TP53I13: variants seen among roughly 807,000 people sequenced by gnomAD.
TP53I13 encodes the protein tumor protein p53-inducible protein 13.
In TP53I13, 27 loss-of-function variants were observed where a neutral mutation model predicts 39.1. The observed-to-expected ratio is 0.69, with a 90% CI of 0.51 to 0.95. The LOEUF is 0.95. TP53I13 is among the 40% of genes least tolerant of loss of function. The pLI is 0.00. For synonymous variants in TP53I13, 230 were observed against 224.6 expected (o/e 1.02, Z -0.22); for missense variants, 544 against 520.4 (o/e 1.05, Z -0.44).
At chr17:29,575,926 G>T, downstream of TP53I13, 1 of 1,581,728 alleles carries the variant, frequency 6.3e-7, no homozygotes, top group Non-Finnish European at 8.6e-7. This position sits in a 1 kb window ranked among gnomAD's most constrained non-coding sequence, Gnocchi z 5.5. Context: ...GCTGGATGGA[G>T]TCAGTGTGCC....
Position 29,572,804 on chromosome 17 carries a change from G to T in TP53I13, c.1070-8G>T, listed in dbSNP as rs1392317656. The T allele has an allele frequency of 1.3e-6, 2 of 1,532,480 alleles. No individual in the cohort carries two copies. The highest frequency in any genetic ancestry group is 1.2e-5 in the South Asian group (1 of 83,222). 94.9% of individuals were successfully genotyped at this position (1,532,480 alleles called of 1,614,324 possible). ...CCCGCCCTTGACTGCTCGGCGCCCG[G>T]CCCACAGCTGTGCTGAAGCGGAGGC... On this transcript the variant is annotated splice_polypyrimidine_tract_variant and splice_region_variant and intron_variant, in intron 6 of 6. Transcript: ENST00000301057.
chr17:29,567,041 G>A, upstream of TP53I13: 1 of 1,185,928 alleles, frequency 8.4e-7, no homozygotes, highest in Non-Finnish European at 1.0e-6. The surrounding 1 kb of genome is among the most constrained non-coding windows in gnomAD (Gnocchi z 6.6). Flanking sequence ...TTTGCCCGCG[G>A]CTCCGCCCGC....
chr17:29,572,503 G>A lies in TP53I13; in HGVS notation c.875G>A (p.Arg292His). 2.5e-6 allele frequency: 4 copies of A among 1,604,914 alleles called. No homozygotes were observed. Among genetic ancestry groups the A allele is most frequent in the Non-Finnish European group, 3.4e-6 (4 of 1,175,868 alleles). ...TCAAGTCAGGCTTCCCCGGCCCCTC[G>A]CGCAGCAGCGCCTCCACGGGCAGCC... ...VCSSQASPAPRAAAPPRAARG... is the reference protein window; with the variant it reads ...VCSSQASPAPHAAAPPRAARG... The change falls in exon 6 of 7, where the codon CGC becomes CAC. Residue 292 changes from arginine (R) to histidine (H), a missense_variant. Coordinates refer to ENST00000301057, the MANE Select transcript of TP53I13 (RefSeq NM_138349.4).
At chr17:29,576,962 G>T (rs1474800604), downstream of TP53I13, 1 of 1,601,910 alleles carries the variant, frequency 6.2e-7, no homozygotes, top group Admixed American at 1.7e-5. Flanking sequence ...GGTCGTCGAG[G>T]TCACTCTGGC....
At chr17:29,576,786 A>C (rs1567770018), downstream of TP53I13, 1 of 1,573,626 alleles carries the variant, frequency 6.4e-7, no homozygotes, top group Non-Finnish European at 8.6e-7. Context: ...CCCCTGGGCT[A>C]CAAGAGGACA....
chr17:29,574,547 G>A (rs756793889), downstream of TP53I13: 2 of 715,426 alleles, frequency 2.8e-6, no homozygotes, highest in South Asian at 3.2e-5. Context: ...GGCTCGACAG[G>A]GGTGGGCACC....
At chr17:29,569,446 C>A (rs528323234) in intron 3 of TP53I13, 87 bp downstream of exon 3, 33 of 1,338,162 alleles carry the variant, frequency 2.5e-5, no homozygotes, top group Admixed American at 6.0e-5. Flanking sequence ...TTCTGCTGAT[C>A]GGCCCCATTC....
chr17:29,566,400 G>C, upstream of TP53I13: 5 of 1,611,798 alleles, frequency 3.1e-6, no homozygotes, highest in East Asian at 6.7e-5. Flanking sequence ...GATGGAAGAT[G>C]ACCGGGTAGT....
intron 3 of TP53I13, chr17:29,570,573 T>C (rs1478254693): frequency 6.6e-6 from 1 of 152,078 alleles, no homozygotes; most frequent in African/African-American, 2.4e-5. Context: ...CCTATCAGAT[T>C]CCTTTCCTCA....
At chr17:29,581,285 C>T in the TP53I13 span, 1 of 1,418,020 alleles carries the variant, frequency 7.1e-7, no homozygotes, top group Non-Finnish European at 1.0e-6. The surrounding 1 kb of genome is among the most constrained non-coding windows in gnomAD (Gnocchi z 4.8). Flanking sequence ...GGGGGTCAGC[C>T]ACCCACATGG....
Position 29,572,835 on chromosome 17 carries a change from CAGCCCTCGCGCCGGGTCA to C in TP53I13, c.1097_1114del (p.Pro366_Lys371del). On this transcript the variant is annotated inframe_deletion, in exon 7 of 7. Coordinates refer to ENST00000301057, the MANE Select transcript of TP53I13 (RefSeq NM_138349.4). ...AGCTGTGCTGAAGCGGAGGCTGCTG[CAGCCCTCGCGCCGGGTCA>C]AGCGCTCGCGCCGGAGACCCCTCCT... is the stretch of plus-strand genomic sequence containing the variant. 9.2e-6 allele frequency: 14 copies of C among 1,528,082 alleles called. No individual in the cohort carries two copies. The highest frequency in any genetic ancestry group is 1.2e-5 in the Non-Finnish European group (14 of 1,143,286). 94.7% of individuals were successfully genotyped at this position (1,528,082 alleles called of 1,614,324 possible).
rs147837856 is a variant in TP53I13 at position 29,571,567 on chromosome 17, G to C, written c.184-24G>C. On this transcript the variant is annotated intron_variant, in intron 3 of 6. Transcript: ENST00000301057. ...TCTGGGAGGGCTCTGGGCCTGCTTT[G>C]ATGTCTCTGTGCCTTTCCTCCAGGC... is the stretch of plus-strand genomic sequence containing the variant. The C allele has an allele frequency of 7.8e-3, 12,643 of 1,612,370 alleles. 66 individuals carry two copies. Among genetic ancestry groups the C allele is most frequent in the Non-Finnish European group, 8.8e-3 (10,403 of 1,179,908 alleles).
At chr17:29,575,180 C>CA (rs1472665296), downstream of TP53I13, 1 of 1,571,054 alleles carries the variant, frequency 6.4e-7, no homozygotes, top group East Asian at 2.3e-5. This position sits in a 1 kb window ranked among gnomAD's most constrained non-coding sequence, Gnocchi z 5.5. Context: ...AGGGGGCTCT[C>CA]AAGGGAGGTT....
Position 29,568,949 on chromosome 17 carries a change from G to T in TP53I13, c.73-69G>T. Reference sequence around the variant, plus strand: ...CGCGGAGTTCTTCCGCTGGCGGGCTGGGCCTGGGGAGAGAGAGGGCAGGGC... The same window carrying T: ...CGCGGAGTTCTTCCGCTGGCGGGCTTGGCCTGGGGAGAGAGAGGGCAGGGC... On this transcript the variant is annotated intron_variant, in intron 1 of 6. Transcript: ENST00000301057. The surrounding 1 kb of genome is among the most constrained non-coding windows in gnomAD (Gnocchi z 4.5). 6.3e-7 allele frequency: 1 copy of T among 1,592,938 alleles called. No individual in the cohort carries two copies. The highest frequency in any genetic ancestry group is 8.5e-7 in the Non-Finnish European group (1 of 1,171,358).
the TP53I13 span, chr17:29,580,993 A>G: frequency 6.9e-6 from 2 of 291,048 alleles, no homozygotes; most frequent in South Asian, 4.3e-5. Flanking sequence ...TGGCCAGGCT[A>G]GTCTTGAACT....
At position 29,572,609 on chromosome 17, in the gene TP53I13, C is replaced by A; in HGVS notation, c.981C>A (p.Ala327=). 2 of 1,590,762 alleles carry A rather than the reference C, an allele frequency of 1.3e-6. No individual in the cohort carries two copies. Among genetic ancestry groups the A allele is most frequent in the Non-Finnish European group, 1.7e-6 (2 of 1,169,550 alleles). ...LTFLLVLLTL[A]TLCTRLHRNF... is the part of the protein sequence containing the mutation. ...TCCTGCTGGTGCTGCTCACCCTGGC[C>A]ACGCTCTGCACACGGCTGCACAGAA... Residue 327 remains alanine (A), a synonymous_variant, in exon 6 of 7, where the codon GCC becomes GCA. Coordinates refer to ENST00000301057, the MANE Select transcript of TP53I13 (RefSeq NM_138349.4).
chr17:29,581,422 G>A, the TP53I13 span: 1 of 1,532,966 alleles, frequency 6.5e-7, no homozygotes. This position sits in a 1 kb window ranked among gnomAD's most constrained non-coding sequence, Gnocchi z 4.8. Context: ...CTAGTGCTGG[G>A]TGGCCTCAGC....
At position 29,572,608 on chromosome 17, in the gene TP53I13, C is replaced by G. The variant is rs1406633345; in HGVS notation, c.980C>G (p.Ala327Gly). ...LTFLLVLLTLATLCTRLHRNF... is the reference protein window; with the variant it reads ...LTFLLVLLTLGTLCTRLHRNF... Reference sequence around the variant, plus strand: ...TTCCTGCTGGTGCTGCTCACCCTGGCCACGCTCTGCACACGGCTGCACAGA... The same window carrying G: ...TTCCTGCTGGTGCTGCTCACCCTGGGCACGCTCTGCACACGGCTGCACAGA... Residue 327 changes from alanine (A) to glycine (G), a missense_variant, in exon 6 of 7, where the codon GCC becomes GGC. Transcript: ENST00000301057. 6.3e-7 allele frequency: 1 copy of G among 1,590,826 alleles called. No homozygotes were observed. Among genetic ancestry groups the G allele is most frequent in the South Asian group, 1.1e-5 (1 of 88,384 alleles).
At chr17:29,576,029 G>C, downstream of TP53I13, 5 of 1,594,218 alleles carry the variant, frequency 3.1e-6, no homozygotes, top group Middle Eastern at 1.7e-4. Context: ...AGAACCCCCT[G>C]GGGCTCAGAA....
Sources: gnomAD v4.1 joint callset for allele counts on GRCh38, gnomAD v4.1.1 for gene constraint, Gnocchi (gnomAD v3.1) non-coding constraint, MANE v1.5 for transcripts, NCBI Gene and HGNC (gene_info 2026-07-23, HGNC 2026-07-21) for gene names.